TENM3: variants seen among roughly 807,000 people sequenced by gnomAD.
TENM3 encodes teneurin transmembrane protein 3.
Under a neutral mutation model 255.1 loss-of-function variants are expected in TENM3, and 63 were observed. That is an observed-to-expected ratio of 0.25 (90% CI 0.20 to 0.30). The LOEUF (loss-of-function observed/expected upper bound fraction) is 0.30. Ranked by LOEUF, TENM3 falls within the 10% of genes least tolerant of loss-of-function variation. The probability of loss-of-function intolerance (pLI) is 1.00; values close to 1 mark genes in which losing one functional copy is unlikely to be tolerated. For missense variants in TENM3, 2,929 were observed against 3,461.1 expected (o/e 0.85, Z 3.86); for synonymous variants, 1,306 against 1,322.3 (o/e 0.99, Z 0.27).
the TENM3 span, among the ~76,000 whole-genome samples, chr4:181,525,176 C>T: frequency 6.6e-6 from 1 of 151,928 alleles, no homozygotes; most frequent in Non-Finnish European, 1.5e-5. Flanking sequence ...CTTGGGAGGC[C>T]GAGGCAGGTG....
chr4:182,135,936 A>G, the TENM3 span, among the ~76,000 whole-genome samples: 1 of 152,234 alleles, frequency 6.6e-6, no homozygotes, highest in East Asian at 1.9e-4. Flanking sequence ...GGTTCTTGTA[A>G]TCAAGTTTGA....
chr4:181,797,967 G>A, the TENM3 span, among the ~76,000 whole-genome samples: 2 of 152,080 alleles, frequency 1.3e-5, no homozygotes, highest in Non-Finnish European at 2.9e-5. Context: ...TGGGGGGAAT[G>A]GATGATAGAA....
the TENM3 span, among the ~76,000 whole-genome samples, chr4:181,820,938 T>A: frequency 8.5e-5 from 13 of 152,204 alleles, no homozygotes; most frequent in Non-Finnish European, 2.9e-5. Flanking sequence ...CAGATGTAAG[T>A]GTCTATGTTG....
chr4:182,457,298 A>C (rs920621602), intron 3 of TENM3, among the ~76,000 whole-genome samples: 1 of 152,062 alleles, frequency 6.6e-6, no homozygotes, highest in Non-Finnish European at 1.5e-5. Context: ...TAATCTTCAA[A>C]ATTATGTAAT....
chr4:182,030,767 C>CTCATTGTGG, the TENM3 span, among the ~76,000 whole-genome samples: 2 of 152,142 alleles, frequency 1.3e-5, no homozygotes, highest in East Asian at 3.9e-4. Context: ...GAGATGCTAT[C>CTCATTGTGG]TCATTGTGGT....
At chr4:181,774,003 G>GTTTTTTTTT in the TENM3 span, among the ~76,000 whole-genome samples, 12 of 90,054 alleles carry the variant, frequency 1.3e-4, no homozygotes, top group Non-Finnish European at 2.3e-4. Flanking sequence ...TGGTGGCTGT[G>GTTTTTTTTT]TTTTTTTTTT....
At chr4:182,350,842 G>A (rs1580251895) in intron 3 of TENM3, among the ~76,000 whole-genome samples, 1 of 152,138 alleles carries the variant, frequency 6.6e-6, no homozygotes, top group East Asian at 1.9e-4. Flanking sequence ...ACAACACCAC[G>A]CCCAGCTAAT....
At chr4:182,525,633 C>T (rs1460812095) in intron 3 of TENM3, among the ~76,000 whole-genome samples, 1 of 152,362 alleles carries the variant, frequency 6.6e-6, no homozygotes, top group East Asian at 1.9e-4. Flanking sequence ...GTCCCTCTGA[C>T]ATCTGCCACG....
chr4:182,151,646 C>CT (rs1341607920), intron 1 of TENM3, among the ~76,000 whole-genome samples: 2 of 151,846 alleles, frequency 1.3e-5, no homozygotes, highest in Non-Finnish European at 2.9e-5. Flanking sequence ...AAATCTATGA[C>CT]TTTTTTTCTC....
the TENM3 span, among the ~76,000 whole-genome samples, chr4:181,893,647 T>C: frequency 6.6e-6 from 1 of 152,134 alleles, no homozygotes; most frequent in Non-Finnish European, 1.5e-5. Flanking sequence ...ATGAAACTAC[T>C]AATCCCAAAT....
At chr4:182,258,092 T>C (rs1198514262) in intron 1 of TENM3, among the ~76,000 whole-genome samples, 18 of 152,138 alleles carry the variant, frequency 1.2e-4, no homozygotes. Flanking sequence ...ACATAAAATA[T>C]ATAGTGTAGA....
the TENM3 span, among the ~76,000 whole-genome samples, chr4:181,970,219 T>TA: frequency 6.6e-6 from 1 of 152,214 alleles, no homozygotes; most frequent in African/African-American, 2.4e-5. Context: ...TAATGAGGGT[T>TA]AAAAATATGT....
rs1755965576 is a variant in TENM3 at position 182,679,650 on chromosome 4, C to T, written c.1327-16C>T. On this transcript the variant is annotated splice_polypyrimidine_tract_variant and intron_variant, in intron 7 of 27. Transcript: ENST00000511685. ...CCCTTTATCTTTCTGACTATTTTTCCTCGTCCTCCCCCCAGTATGACTTCG... is the reference window on the plus strand; with the variant it reads ...CCCTTTATCTTTCTGACTATTTTTCTTCGTCCTCCCCCCAGTATGACTTCG... 6.3e-7 allele frequency: 1 copy of T among 1,595,358 alleles called. No individual in the cohort carries two copies. The highest frequency in any genetic ancestry group is 1.3e-5 in the African/African-American group (1 of 74,078).
intron 1 of TENM3, among the ~76,000 whole-genome samples, chr4:182,275,348 C>T (rs1315545412): frequency 6.6e-6 from 1 of 152,110 alleles, no homozygotes; most frequent in East Asian, 1.9e-4. Context: ...TCTTCAAGGG[C>T]AAGTAGTGTG....
the TENM3 span, among the ~76,000 whole-genome samples, chr4:182,018,409 C>T: frequency 1.3e-5 from 2 of 152,068 alleles, no homozygotes; most frequent in Non-Finnish European, 2.9e-5. Flanking sequence ...TTGTAATCAT[C>T]TGGAGTGTTT....
the TENM3 span, among the ~76,000 whole-genome samples, chr4:181,725,163 C>A: frequency 6.6e-6 from 1 of 152,186 alleles, no homozygotes; most frequent in Non-Finnish European, 1.5e-5. Context: ...CCTGGGCCTA[C>A]AAAATACATT....
the TENM3 span, among the ~76,000 whole-genome samples, chr4:181,812,127 C>T: frequency 1.8e-4 from 27 of 152,262 alleles, no homozygotes; most frequent in African/African-American, 6.3e-4. Flanking sequence ...ACAAATCTGG[C>T]CAAATATTTT....
chr4:181,631,639 A>G, the TENM3 span, among the ~76,000 whole-genome samples: 1 of 152,172 alleles, frequency 6.6e-6, no homozygotes. Context: ...GGCCCACCCA[A>G]GACATTCTTC....
chr4:181,893,915 G>A, the TENM3 span, among the ~76,000 whole-genome samples: 2 of 151,868 alleles, frequency 1.3e-5, no homozygotes, highest in South Asian at 2.1e-4. Context: ...ACTTAGCAAA[G>A]CATTTTTATT....
Sources: gnomAD v4.1 joint callset for allele counts (sites outside exome capture counted in the v4.1 genomes callset) on GRCh38, gnomAD v4.1.1 for gene constraint, MANE v1.5 for transcripts, NCBI Gene and HGNC (gene_info 2026-07-23, HGNC 2026-07-21) for gene names.